Variants in ADAM29 observed in about 807,000 individuals in gnomAD.
ADAM29 encodes disintegrin and metalloproteinase domain-containing protein 29.
For missense variants in ADAM29, 969 were observed against 1,001.8 expected (o/e 0.97, Z 0.44); for synonymous variants, 367 against 342.3 (o/e 1.07, Z -0.80).
intron 4 of ADAM29, among the ~76,000 whole-genome samples, chr4:174,954,906 GA>G (rs1745409904): frequency 1.3e-5 from 2 of 151,898 alleles, no homozygotes; most frequent in African/African-American, 4.8e-5. Context: ...CCTCTTATTT[GA>G]AAACTTTTAA....
intron 4 of ADAM29, among the ~76,000 whole-genome samples, chr4:174,963,362 T>C (rs534453623): frequency 5.3e-5 from 8 of 152,270 alleles, no homozygotes; most frequent in African/African-American, 1.9e-4. Flanking sequence ...TGATTATGTG[T>C]AAATTTATAT....
chr4:174,953,948 A>T (rs865839571), intron 4 of ADAM29, among the ~76,000 whole-genome samples: 2 of 152,060 alleles, frequency 1.3e-5, no homozygotes, highest in East Asian at 3.9e-4. Context: ...CTGACCTCCA[A>T]TGATCCTCCT....
chr4:174,941,849 G>A (rs1312388430), intron 4 of ADAM29, among the ~76,000 whole-genome samples: 1 of 151,928 alleles, frequency 6.6e-6, no homozygotes, highest in African/African-American at 2.4e-5. Context: ...ATACTCACCT[G>A]TGATAAAAAA....
At chr4:174,965,847 C>T (rs1746129007) in intron 4 of ADAM29, among the ~76,000 whole-genome samples, 1 of 152,128 alleles carries the variant, frequency 6.6e-6, no homozygotes, top group Non-Finnish European at 1.5e-5. Flanking sequence ...TTCCAAATAA[C>T]ATTATGCTGA....
chr4:174,956,906 T>C (rs1433384997), intron 4 of ADAM29, among the ~76,000 whole-genome samples: 3 of 152,076 alleles, frequency 2.0e-5, no homozygotes, highest in East Asian at 3.9e-4. Context: ...CTAAAAGTCA[T>C]GTTCCATACA....
chr4:174,920,074 T>C (rs1210258494), intron 1 of ADAM29, among the ~76,000 whole-genome samples: 1 of 152,198 alleles, frequency 6.6e-6, no homozygotes, highest in Non-Finnish European at 1.5e-5. Context: ...CCTCTCATTA[T>C]GAGCCTGCGT....
chr4:174,936,341 G>T (rs1220463013), intron 3 of ADAM29, among the ~76,000 whole-genome samples: 1 of 151,930 alleles, frequency 6.6e-6, no homozygotes. Flanking sequence ...AAGGTCAAAA[G>T]TTATTATTAT....
chr4:174,944,631 G>A (rs1489282600), intron 4 of ADAM29, among the ~76,000 whole-genome samples: 1 of 152,042 alleles, frequency 6.6e-6, no homozygotes, highest in Non-Finnish European at 1.5e-5. Flanking sequence ...TGTCACCCAG[G>A]TAGTACGCAT....
At chr4:174,922,003 T>C (rs1470949024) in intron 2 of ADAM29, among the ~76,000 whole-genome samples, 1 of 152,230 alleles carries the variant, frequency 6.6e-6, no homozygotes, top group Non-Finnish European at 1.5e-5. Flanking sequence ...GAAATCACTC[T>C]ATTGAGTCTC....
chr4:174,953,945 C>T (rs1323557199), intron 4 of ADAM29, among the ~76,000 whole-genome samples: 1 of 152,152 alleles, frequency 6.6e-6, no homozygotes, highest in African/African-American at 2.4e-5. Context: ...CTTCTGACCT[C>T]CAATGATCCT....
Position 174,947,866 on chromosome 4 carries a change from A to G in ADAM29, c.-181+10853A>G, listed in dbSNP as rs535013517. Among the ~76,000 whole-genome samples the G allele has an allele frequency of 4.8e-4, 73 of 152,282 alleles. 1 individual carries two copies. The highest frequency in any genetic ancestry group is 1.6e-3 in the African/African-American group (68 of 41,556). ...GTGAAGTTTCCCACTGTTATTGTGT[A>G]GTTGTCTAAGTCTCTTCATATTTTT... On this transcript the variant is annotated intron_variant, in intron 4 of 4. Transcript: ENST00000359240.
At chr4:174,946,584 G>A (rs1744862487) in intron 4 of ADAM29, among the ~76,000 whole-genome samples, 1 of 152,008 alleles carries the variant, frequency 6.6e-6, no homozygotes. Flanking sequence ...CATTTTCAAG[G>A]GGGATGCTTC....
At chr4:174,961,439 G>A (rs1460702521) in intron 4 of ADAM29, among the ~76,000 whole-genome samples, 2 of 151,880 alleles carry the variant, frequency 1.3e-5, no homozygotes, top group Non-Finnish European at 2.9e-5. Context: ...TAAGAAGTAA[G>A]TCTAAAATTA....
At position 174,976,180 on chromosome 4, in the gene ADAM29, T is replaced by C. The variant is rs2111119637; in HGVS notation, c.655T>C (p.Ser219Pro). The change falls in exon 5 of 5, where the codon TCA becomes CCA. Residue 219 changes from serine (S) to proline (P), a missense_variant. Coordinates refer to ENST00000359240, the MANE Select transcript of ADAM29 (RefSeq NM_014269.4). The stretch of plus-strand genomic sequence containing the variant: ...GTACATTCGTTATGAAAGGAACGAC[T>C]CAAAGTTGCTGGAGGATCTATATGT... ...YLYIRYERND[S>P]KLLEDLYVIV... is the part of the protein sequence containing the mutation. The C allele has an allele frequency of 6.2e-7, 1 of 1,610,534 alleles. No homozygotes were observed. The highest frequency in any genetic ancestry group is 8.5e-7 in the Non-Finnish European group (1 of 1,178,976).
chr4:174,977,390 A>G lies in ADAM29; in HGVS notation c.1865A>G (p.Asn622Ser), dbSNP rs779053160. 2 of 1,614,022 alleles carry G rather than the reference A, an allele frequency of 1.2e-6. No homozygotes were observed. Reference sequence around the variant, plus strand: ...CACTGTGTCCATATAACCATCTTGAATAGTAATTGCTCACCTGCATTTTGT... The same window carrying G: ...CACTGTGTCCATATAACCATCTTGAGTAGTAATTGCTCACCTGCATTTTGT... Reference protein sequence around the residue: ...HRHCVHITILNSNCSPAFCNK... With the variant: ...HRHCVHITILSSNCSPAFCNK... The change falls in exon 5 of 5, where the codon AAT becomes AGT. Residue 622 changes from asparagine to serine, a missense_variant. Physicochemically the swap from Asn to Ser is conservative, Grantham distance 46. Transcript: ENST00000359240.
intron 4 of ADAM29, among the ~76,000 whole-genome samples, chr4:174,956,017 A>T (rs1376285368): frequency 6.6e-6 from 1 of 152,050 alleles, no homozygotes; most frequent in Non-Finnish European, 1.5e-5. Flanking sequence ...CTCAGGACAG[A>T]CTATATGTTT....
At chr4:174,940,451 T>G (rs1744466657) in intron 4 of ADAM29, among the ~76,000 whole-genome samples, 1 of 152,186 alleles carries the variant, frequency 6.6e-6, no homozygotes, top group South Asian at 2.1e-4. Flanking sequence ...ATGTTATAAT[T>G]AAAACTACTT....
chr4:174,940,812 T>A (rs559124009), intron 4 of ADAM29, among the ~76,000 whole-genome samples: 1 of 151,944 alleles, frequency 6.6e-6, no homozygotes, highest in Non-Finnish European at 1.5e-5. Context: ...TAAAGCCAAA[T>A]AAAAAAAGAC....
chr4:174,974,994 A>G (rs1425802145), intron 4 of ADAM29, among the ~76,000 whole-genome samples: 1 of 152,230 alleles, frequency 6.6e-6, no homozygotes, highest in Non-Finnish European at 1.5e-5. Flanking sequence ...ACTGTCTCAG[A>G]AATTGAAGAT....
Sources: allele counts gnomAD v4.1 joint callset (sites outside exome capture counted in the v4.1 genomes callset), GRCh38; gene constraint gnomAD v4.1.1; transcripts MANE v1.5; gene names NCBI Gene and HGNC (gene_info 2026-07-23, HGNC 2026-07-21).